ADK: variants seen among roughly 807,000 people sequenced by gnomAD.
ADK encodes the protein adenosine kinase.
ADK carries 24 observed loss-of-function variants against 44.7 expected under a neutral mutation model. That is an observed-to-expected ratio of 0.54 (90% CI 0.39 to 0.76). The LOEUF is 0.76. ADK is among the 30% of genes least tolerant of loss of function. The pLI, the probability that ADK is intolerant of heterozygous loss-of-function variation, is 0.00. For missense variants in ADK, 321 were observed against 425.1 expected, an observed-to-expected ratio of 0.76 and a Z score of 2.15; for synonymous variants, 128 against 142.6, an observed-to-expected ratio of 0.90 and a Z score of 0.73.
chr10:74,419,299 C>T (rs1844476393), intron 6 of ADK, among the ~76,000 whole-genome samples: 1 of 151,956 alleles, frequency 6.6e-6, no homozygotes, highest in Admixed American at 6.6e-5. Context: ...TTAAGATTGG[C>T]CTATTTCAGT....
intron 4 of ADK, among the ~76,000 whole-genome samples, chr10:74,320,796 A>G (rs1320313631): frequency 2.6e-5 from 4 of 152,138 alleles, no homozygotes; most frequent in Admixed American, 2.6e-4. Context: ...ACTTCTCTAA[A>G]TGTTAGAGAT....
intron 4 of ADK, among the ~76,000 whole-genome samples, chr10:74,344,277 C>G (rs1421291543): frequency 6.6e-6 from 1 of 152,100 alleles, no homozygotes. Flanking sequence ...AAAGAAGCAG[C>G]AATTGCTTAT....
At chr10:74,356,946 C>T (rs906411093) in intron 4 of ADK, among the ~76,000 whole-genome samples, 5 of 152,190 alleles carry the variant, frequency 3.3e-5, no homozygotes, top group African/African-American at 9.7e-5. Context: ...TCTTCCCCTT[C>T]CCAGAGGAGA....
intron 4 of ADK, among the ~76,000 whole-genome samples, chr10:74,391,116 T>C (rs1843313586): frequency 6.6e-6 from 1 of 152,060 alleles, no homozygotes; most frequent in Non-Finnish European, 1.5e-5. Flanking sequence ...CTAAATAAAG[T>C]TTGATTTATT....
At chr10:74,199,977 C>G (rs900505821) in intron 1 of ADK, among the ~76,000 whole-genome samples, 5 of 152,026 alleles carry the variant, frequency 3.3e-5, no homozygotes, top group African/African-American at 1.2e-4. Flanking sequence ...CGTGCCCAGC[C>G]TAGAATGATT....
intron 3 of ADK, among the ~76,000 whole-genome samples, chr10:74,282,184 A>G (rs1435509345): frequency 3.3e-5 from 5 of 152,210 alleles, no homozygotes; most frequent in Admixed American, 6.5e-5. Flanking sequence ...TTATTTTACA[A>G]TAGAGTTTAA....
intron 7 of ADK, among the ~76,000 whole-genome samples, chr10:74,562,498 T>G (rs1268586204): frequency 6.6e-6 from 1 of 152,182 alleles, no homozygotes; most frequent in Non-Finnish European, 1.5e-5. Context: ...CATATTTCCT[T>G]CAAGGATAGT....
intron 10 of ADK, among the ~76,000 whole-genome samples, chr10:74,678,127 G>A (rs564543632): frequency 6.7e-6 from 1 of 149,274 alleles, no homozygotes; most frequent in East Asian, 2.0e-4. Context: ...GGCAACAGGG[G>A]GAGACCCTGT....
intron 6 of ADK, among the ~76,000 whole-genome samples, chr10:74,524,975 C>G (rs1476170878): frequency 2.0e-5 from 3 of 152,106 alleles, no homozygotes; most frequent in African/African-American, 7.2e-5. Context: ...TGAGACCTTT[C>G]AAACATTTTT....
chr10:74,499,458 G>A (rs1161056929), intron 6 of ADK, among the ~76,000 whole-genome samples: 1 of 152,140 alleles, frequency 6.6e-6, no homozygotes, highest in Non-Finnish European at 1.5e-5. Context: ...GGAGGCCGAG[G>A]CGGGTGGATC....
intron 6 of ADK, among the ~76,000 whole-genome samples, chr10:74,524,280 TTAAA>T (rs1415178928): frequency 6.6e-6 from 1 of 152,206 alleles, no homozygotes; most frequent in Non-Finnish European, 1.5e-5. Flanking sequence ...TAAAGAAAAA[TTAAA>T]TATTTTTCTT....
At chr10:74,285,546 C>G (rs1258213452) in intron 3 of ADK, among the ~76,000 whole-genome samples, 1 of 125,260 alleles carries the variant, frequency 8.0e-6, no homozygotes, top group Non-Finnish European at 1.8e-5. Flanking sequence ...ATATCTATAT[C>G]TATATGCATC....
At chr10:74,545,099 T>A (rs944656229) in intron 7 of ADK, among the ~76,000 whole-genome samples, 2 of 152,192 alleles carry the variant, frequency 1.3e-5, no homozygotes, top group Non-Finnish European at 2.9e-5. Flanking sequence ...ATACAGATTC[T>A]ACTTTTTCCT....
intron 1 of ADK, among the ~76,000 whole-genome samples, chr10:74,163,567 C>T (rs758051531): frequency 5.3e-5 from 8 of 152,126 alleles, no homozygotes; most frequent in Non-Finnish European, 8.8e-5. Flanking sequence ...CATAGTACCA[C>T]AAAATTTGTT....
At chr10:74,396,019 A>G (rs985940279) in intron 5 of ADK, among the ~76,000 whole-genome samples, 60 of 151,772 alleles carry the variant, frequency 4.0e-4, no homozygotes, top group Admixed American at 2.4e-3. Context: ...TCAAAACCAA[A>G]GAGAGAGAGA....
intron 4 of ADK, among the ~76,000 whole-genome samples, chr10:74,350,937 T>TA (rs1205371894): frequency 1.3e-5 from 2 of 152,152 alleles, no homozygotes; most frequent in African/African-American, 4.8e-5. Flanking sequence ...CAGTAATTAA[T>TA]AGTCTACCAA....
chr10:74,454,043 A>G (rs1234587140), intron 6 of ADK, among the ~76,000 whole-genome samples: 2 of 152,178 alleles, frequency 1.3e-5, no homozygotes, highest in Admixed American at 6.5e-5. Context: ...TAACTTTTAC[A>G]GTCAATGGAC....
intron 6 of ADK, among the ~76,000 whole-genome samples, chr10:74,403,691 C>T (rs924782508): frequency 6.6e-6 from 1 of 152,150 alleles, no homozygotes; most frequent in African/African-American, 2.4e-5. Flanking sequence ...ACCCCTTGCG[C>T]TTCCCAGGTG....
intron 4 of ADK, among the ~76,000 whole-genome samples, chr10:74,329,059 TAATAAAATAAAATAAA>T (rs1182634709): frequency 1.9e-4 from 10 of 52,838 alleles, no homozygotes; most frequent in Non-Finnish European, 3.0e-4. Flanking sequence ...AGTATAATAA[TAATAAAATAAAATAAA>T]AATAAAATAA....
Sources: allele counts gnomAD v4.1 joint callset (sites outside exome capture counted in the v4.1 genomes callset), GRCh38; gene constraint gnomAD v4.1.1; transcripts MANE v1.5; gene names NCBI Gene and HGNC (gene_info 2026-07-23, HGNC 2026-07-21).